Variants in C14orf39 observed in about 807,000 individuals in gnomAD.
C14orf39 encodes the protein protein SIX6OS1.
C14orf39 carries 66 observed loss-of-function variants against 85.6 expected under a neutral mutation model. The ratio of observed to expected loss-of-function variants is 0.77; its 90% CI spans 0.63 to 0.95. C14orf39 has a LOEUF of 0.95. Among genes scored for constraint, C14orf39 ranks in the 40% least tolerant of loss-of-function variants. C14orf39 has a pLI of 0.00. For synonymous variants in C14orf39, 242 were observed against 214.0 expected (o/e 1.13, Z -1.14); for missense variants, 735 against 663.9 (o/e 1.11, Z -1.18).
rs1214027258 is a variant in C14orf39 at position 60,491,907 on chromosome 14, C to T, written c.-8-6821G>A. On this transcript the variant is annotated intron_variant, in intron 2 of 5. Coordinates refer to the C14orf39 transcript ENST00000556799. This position sits in a 1 kb window ranked among gnomAD's most constrained non-coding sequence, Gnocchi z 4.5. ...TCATTCTAAGAATAAGGACAAAATA[C>T]ATTTTATTGGAAAAAATTCAAAATT... 1.3e-5 allele frequency among the ~76,000 whole-genome samples: 2 copies of T among 151,978 alleles called. No individual in the cohort carries two copies. The highest frequency in any genetic ancestry group is 1.3e-4 in the Admixed American group (2 of 15,252).
chr14:60,476,682 A>G (rs964600519), intron 5 of C14orf39, among the ~76,000 whole-genome samples: 22 of 152,322 alleles, frequency 1.4e-4, no homozygotes, highest in African/African-American at 4.6e-4. Context: ...ATCATTTTTA[A>G]GAATTAATGT....
chr14:60,494,412 A>G (rs1893036473), intron 2 of C14orf39: 1 of 157,064 alleles, frequency 6.4e-6, no homozygotes, highest in African/African-American at 2.4e-5. Flanking sequence ...TTCTTCCCAC[A>G]TCATGTGCAG....
intron 11 of C14orf39, 42 bp from the exon 12 acceptor site, chr14:60,461,635 C>A (rs776465116): frequency 6.8e-5 from 93 of 1,358,816 alleles, no homozygotes; most frequent in Non-Finnish European, 8.5e-5. Flanking sequence ...CTACACAAAG[C>A]AATAAAAATT....
At position 60,512,270 on chromosome 14, in the gene C14orf39, C is replaced by G. The variant is rs1893306049; in HGVS notation, c.-144+3125G>C. The G allele has an allele frequency of 3.3e-5, 5 of 152,170 alleles. No homozygotes were observed. The South Asian group carries it at 1.0e-3, about 32-fold the overall frequency. The allele number at this position is 152,170 out of a possible 1,614,324, so 9.4% of individuals were successfully genotyped here. ...AGTCCTATTTTCTAAAAATGCAAAA[C>G]TATCCTGACTCAGGCTCTGCAGCAA... On this transcript the variant is annotated intron_variant, in intron 1 of 5. Transcript: ENST00000556799.
intron 5 of C14orf39, among the ~76,000 whole-genome samples, chr14:60,473,805 G>C (rs781195624): frequency 2.0e-5 from 3 of 152,094 alleles, no homozygotes; most frequent in African/African-American, 4.8e-5. Context: ...GGTTGCTGTA[G>C]CCTTGTAGTA....
At position 60,507,398 on chromosome 14, in the gene C14orf39, G is replaced by A. The variant is rs572248983; in HGVS notation, c.-143-7968C>T. On this transcript the variant is annotated intron_variant, in intron 1 of 5. Coordinates refer to the C14orf39 transcript ENST00000556799. ...TAAAAGTTGTCCTTCCGGCTGATTC[G>A]GAAGTCGCTCCAAGGGAAAGAAGGT... Among the ~76,000 whole-genome samples, 4 of 152,242 alleles carry A rather than the reference G, an allele frequency of 2.6e-5. No homozygotes were observed. In the South Asian group the frequency reaches 8.3e-4, roughly 32 times the overall value.
chr14:60,461,578 CAG>C lies in C14orf39; in HGVS notation c.986_987del (p.Ser329CysfsTer4), dbSNP rs747203432. On this transcript the variant is annotated frameshift_variant, in exon 12 of 18. Transcript: ENST00000321731. LOFTEE classifies it high-confidence loss of function. ...KENDTQIFND[S>X]AVDNHSKCSH... ...GAACATTTTGAATGGTTATCCACAG[CAG>C]AGTCATTAAATATCTGAAAGAAAGA... is the stretch of plus-strand genomic sequence containing the variant. 7.1e-6 allele frequency: 11 copies of C among 1,559,322 alleles called. No individual in the cohort carries two copies. Among genetic ancestry groups the C allele is most frequent in the Non-Finnish European group, 9.5e-6 (11 of 1,157,856 alleles).
rs183725628 is a variant in C14orf39, at chr14:60,456,812, T to C, written c.1358+105A>G. On this transcript the variant is annotated intron_variant, in intron 15 of 17. Transcript: ENST00000321731. Reference sequence around the variant, plus strand: ...TTCTTTGCATGTCTGAAATACTACATAATAAAAACTTGTTAAAGGTACTAA... The same window carrying C: ...TTCTTTGCATGTCTGAAATACTACACAATAAAAACTTGTTAAAGGTACTAA... 1.7e-5 allele frequency: 16 copies of C among 952,148 alleles called. No individual in the cohort carries two copies. In the East Asian group the frequency reaches 4.4e-4, roughly 26 times the overall value. 59.0% of individuals were successfully genotyped at this position (952,148 alleles called of 1,614,324 possible). A position where few individuals can be genotyped will look rare whatever the true frequency, so the allele number is the denominator to read the frequency against.
At chr14:60,492,564 G>A (rs1376142323) in intron 2 of C14orf39, among the ~76,000 whole-genome samples, 4 of 151,462 alleles carry the variant, frequency 2.6e-5, no homozygotes, top group South Asian at 2.1e-4. Context: ...GCTTGAGTTC[G>A]AGACCAGCCT....
intron 16 of C14orf39, among the ~76,000 whole-genome samples, chr14:60,444,504 A>G (rs1375246302): frequency 6.6e-6 from 1 of 152,234 alleles, no homozygotes. Flanking sequence ...TAGAGAAAAA[A>G]GAGTAAAAAG....
intron 1 of C14orf39, among the ~76,000 whole-genome samples, chr14:60,505,829 C>T (rs1194458340): frequency 6.6e-6 from 1 of 152,238 alleles, no homozygotes; most frequent in Non-Finnish European, 1.5e-5. Context: ...CTGCTCTCCT[C>T]TGGCAAATGT....
At chr14:60,467,509 A>G (rs1437072033) in intron 9 of C14orf39, among the ~76,000 whole-genome samples, 1 of 151,862 alleles carries the variant, frequency 6.6e-6, no homozygotes, top group Non-Finnish European at 1.5e-5. Context: ...TTTTCACTAA[A>G]TTTTATCTAA....
At chr14:60,510,028 A>C (rs912140168) in intron 1 of C14orf39, 32 of 1,453,540 alleles carry the variant, frequency 2.2e-5, no homozygotes, top group Non-Finnish European at 1.7e-5. Context: ...GGGTGGAGGC[A>C]CCTCTGGCGC....
intron 16 of C14orf39, among the ~76,000 whole-genome samples, chr14:60,444,890 AG>A (rs1890687899): frequency 6.6e-6 from 1 of 152,212 alleles, no homozygotes; most frequent in Non-Finnish European, 1.5e-5. Flanking sequence ...CCTACAAGCC[AG>A]AAGAGAGTGG....
chr14:60,496,276 C>T lies in C14orf39; in HGVS notation c.-9+3020G>A, dbSNP rs143203465. 1.1e-3 allele frequency: 429 copies of T among 379,256 alleles called. 2 individuals are homozygous for T. In the East Asian group the frequency reaches 0.016, roughly 14 times the overall value. 23.5% of individuals were successfully genotyped at this position (379,256 alleles called of 1,614,324 possible). On this transcript the variant is annotated intron_variant, in intron 2 of 5. Coordinates refer to the C14orf39 transcript ENST00000556799. ...CAGAAACAGGATCTGCTCAAGGACC[C>T]ACTGGATACTGTTGGTGCCAGCCAC...
rs1285349272 is a variant in C14orf39, at chr14:60,471,472, G to C, written c.512-13C>G. On this transcript the variant is annotated splice_polypyrimidine_tract_variant and intron_variant, in intron 6 of 17. Transcript: ENST00000321731. Reference sequence around the variant, plus strand: ...AAGGGAGCAGGCACTGAAAAATAAAGTCACAGCATAAGCTGATTATTATAT... The same window carrying C: ...AAGGGAGCAGGCACTGAAAAATAAACTCACAGCATAAGCTGATTATTATAT... 1.3e-6 allele frequency: 2 copies of C among 1,596,992 alleles called. No individual in the cohort carries two copies. The highest frequency in any genetic ancestry group is 1.7e-6 in the Non-Finnish European group (2 of 1,172,098).
intron 2 of C14orf39, chr14:60,496,199 T>C (rs1469558955): frequency 7.0e-6 from 3 of 430,108 alleles, no homozygotes; most frequent in Admixed American, 2.5e-5. Context: ...GAGATTCACA[T>C]GTTCATCTGA....
intron 7 of C14orf39, among the ~76,000 whole-genome samples, 179 bp from the exon 8 acceptor site, chr14:60,469,832 CAGAT>C (rs1891985296): frequency 6.7e-6 from 1 of 149,206 alleles, no homozygotes; most frequent in African/African-American, 2.5e-5. Context: ...GGCAGACTAA[CAGAT>C]AATTTATTGT....
intron 1 of C14orf39, among the ~76,000 whole-genome samples, chr14:60,502,020 GT>G (rs1162347609): frequency 6.6e-6 from 1 of 152,212 alleles, no homozygotes; most frequent in African/African-American, 2.4e-5. Context: ...CCAAAATCAT[GT>G]GGTTATTGCA....
Sources: allele counts gnomAD v4.1 joint callset (sites outside exome capture counted in the v4.1 genomes callset), GRCh38; gene constraint gnomAD v4.1.1; non-coding constraint Gnocchi (gnomAD v3.1); transcripts MANE v1.5; gene names NCBI Gene and HGNC (gene_info 2026-07-23, HGNC 2026-07-21).